Variants in SYT9 observed in about 807,000 individuals in gnomAD.
The protein encoded by SYT9 is synaptotagmin-9.
A neutral mutation model predicts 48.4 loss-of-function variants in SYT9; 22 were observed. That is an observed-to-expected ratio of 0.45 (90% CI 0.32 to 0.65). SYT9 has a LOEUF of 0.65. SYT9 is among the 30% of genes least tolerant of loss of function. The pLI is 0.03. For synonymous variants in SYT9, 265 were observed against 245.0 expected, an observed-to-expected ratio of 1.08 and a Z score of -0.76; for missense variants, 577 against 622.0, an observed-to-expected ratio of 0.93 and a Z score of 0.77.
intron 2 of SYT9, among the ~76,000 whole-genome samples, chr11:7,305,896 C>T (rs1165754200): frequency 6.6e-6 from 1 of 152,112 alleles, no homozygotes; most frequent in African/African-American, 2.4e-5. Context: ...CTCAACCTCA[C>T]CTGGCCTCTT....
At chr11:7,311,405 A>C (rs1340481650) in intron 2 of SYT9, among the ~76,000 whole-genome samples, 3 of 152,250 alleles carry the variant, frequency 2.0e-5, no homozygotes, top group Admixed American at 6.5e-5. Flanking sequence ...ATCGAATGCC[A>C]GTACTAAGAA....
At chr11:7,434,611 C>A (rs117986451) in intron 6 of SYT9, among the ~76,000 whole-genome samples, 2 of 152,230 alleles carry the variant, frequency 1.3e-5, no homozygotes, top group South Asian at 4.2e-4. Context: ...TATGGAAGAT[C>A]GTATCACATG....
intron 1 of SYT9, among the ~76,000 whole-genome samples, chr11:7,244,319 C>T (rs1403142676): frequency 6.6e-6 from 1 of 152,178 alleles, no homozygotes; most frequent in Non-Finnish European, 1.5e-5. Flanking sequence ...ACCAGAACAA[C>T]TGCTACTGGA....
chr11:7,294,510 A>T (rs905917627), intron 1 of SYT9, among the ~76,000 whole-genome samples: 5 of 152,238 alleles, frequency 3.3e-5, no homozygotes, highest in African/African-American at 1.2e-4. Context: ...GTGCTTCCAA[A>T]TACAATGGTG....
chr11:7,276,452 C>T (rs140273883), intron 1 of SYT9, among the ~76,000 whole-genome samples: 30 of 152,286 alleles, frequency 2.0e-4, no homozygotes, highest in East Asian at 5.8e-4. Flanking sequence ...TCAGTGGGCC[C>T]ATTCAACTAT....
At chr11:7,251,449 T>G (rs1315374300), upstream of SYT9, among the ~76,000 whole-genome samples, 1 of 152,160 alleles carries the variant, frequency 6.6e-6, no homozygotes, top group Non-Finnish European at 1.5e-5. Flanking sequence ...TGGGAAATCC[T>G]TCCTTTGTTG....
chr11:7,332,579 C>G (rs1004087397), intron 3 of SYT9, among the ~76,000 whole-genome samples: 1 of 152,172 alleles, frequency 6.6e-6, no homozygotes, highest in Non-Finnish European at 1.5e-5. Context: ...AAGAGGGATC[C>G]TCTTCCCCTC....
At chr11:7,437,557 G>A (rs1171397820) in intron 6 of SYT9, 1 of 152,010 alleles carries the variant, frequency 6.6e-6, no homozygotes, top group Non-Finnish European at 1.5e-5. Flanking sequence ...TTTGGATCCA[G>A]TGTGGGAGTG....
intron 3 of SYT9, among the ~76,000 whole-genome samples, chr11:7,342,510 C>T (rs184622375): frequency 6.6e-6 from 1 of 152,222 alleles, no homozygotes; most frequent in African/African-American, 2.4e-5. Flanking sequence ...ATCCATGTCT[C>T]ATATCCAGGT....
Position 7,426,900 on chromosome 11 carries a change from TG to T in SYT9, c.1467+6266del, listed in dbSNP as rs538371337. On this transcript the variant is annotated intron_variant, in intron 6 of 6. Coordinates refer to ENST00000318881, the MANE Select transcript of SYT9 (RefSeq NM_175733.4). ...ATAAGGCCTGGCTTTAAGATAAAGT[TG>T]CATGGTCATTTCTACATGTAACATG... 9.2e-5 allele frequency among the ~76,000 whole-genome samples: 14 copies of T among 152,322 alleles called. No homozygotes were observed. The East Asian group carries it at 2.7e-3, about 29-fold the overall frequency.
intron 1 of SYT9, among the ~76,000 whole-genome samples, chr11:7,260,928 G>T (rs1479472628): frequency 1.3e-5 from 2 of 152,186 alleles, no homozygotes; most frequent in African/African-American, 4.8e-5. Flanking sequence ...TGAAAAAGCA[G>T]TGTGTTCAGC....
chr11:7,437,143 A>C (rs1847726770), intron 6 of SYT9, among the ~76,000 whole-genome samples: 1 of 152,210 alleles, frequency 6.6e-6, no homozygotes, highest in Non-Finnish European at 1.5e-5. Flanking sequence ...TGTAGTGCTT[A>C]AATAAGGATA....
intron 3 of SYT9, among the ~76,000 whole-genome samples, chr11:7,370,076 A>C (rs746079592): frequency 6.6e-6 from 1 of 151,882 alleles, no homozygotes; most frequent in African/African-American, 2.4e-5. Context: ...CAAGTCCCCA[A>C]AGTCCGTTGT....
chr11:7,352,137 A>C (rs1849928845), intron 3 of SYT9, among the ~76,000 whole-genome samples: 1 of 152,196 alleles, frequency 6.6e-6, no homozygotes, highest in African/African-American at 2.4e-5. Context: ...GTGTTTGTGA[A>C]GTGCTGTGAG....
At chr11:7,446,453 C>G (rs1434038227) in intron 6 of SYT9, among the ~76,000 whole-genome samples, 2 of 152,208 alleles carry the variant, frequency 1.3e-5, no homozygotes, top group African/African-American at 4.8e-5. Context: ...AACACTGATT[C>G]TCCTGCTTTG....
At chr11:7,308,662 G>A (rs7946495) in intron 2 of SYT9, among the ~76,000 whole-genome samples, 107,255 of 151,998 alleles carry the variant, frequency 0.71, 37,901 homozygotes, top group Admixed American at 0.76. Flanking sequence ...CTTCATAAAA[G>A]TTTCCTCAGC....
chr11:7,271,368 A>C (rs1031316567), intron 1 of SYT9, among the ~76,000 whole-genome samples: 15 of 152,016 alleles, frequency 9.9e-5, no homozygotes, highest in African/African-American at 3.6e-4. Flanking sequence ...ATGGATTGCT[A>C]TTTGCTTCAA....
chr11:7,258,176 A>T (rs1848010309), intron 1 of SYT9, among the ~76,000 whole-genome samples: 1 of 152,194 alleles, frequency 6.6e-6, no homozygotes, highest in Non-Finnish European at 1.5e-5. Flanking sequence ...TCTTCCTAAC[A>T]GGTTGACTTG....
At chr11:7,308,053 T>C (rs1359976859) in intron 2 of SYT9, among the ~76,000 whole-genome samples, 1 of 152,232 alleles carries the variant, frequency 6.6e-6, no homozygotes, top group African/African-American at 2.4e-5. Context: ...CCTTGTAGTC[T>C]ACTAACTGTG....
Sources: gnomAD v4.1 joint callset for allele counts (sites outside exome capture counted in the v4.1 genomes callset) on GRCh38, gnomAD v4.1.1 for gene constraint, MANE v1.5 for transcripts, NCBI Gene and HGNC (gene_info 2026-07-23, HGNC 2026-07-21) for gene names.